Variants in FBXL14 observed in about 807,000 individuals in gnomAD.
The protein encoded by FBXL14 is F-box and leucine rich repeat protein 14.
Under a neutral mutation model 24.5 loss-of-function variants are expected in FBXL14, and 11 were observed. That is an observed-to-expected ratio of 0.45 (90% CI 0.28 to 0.74). The LOEUF (loss-of-function observed/expected upper bound fraction) is 0.74. FBXL14 is among the 30% of genes least tolerant of loss of function. The pLI is 0.12. For synonymous variants in FBXL14, 294 were observed against 240.4 expected (o/e 1.22, Z -2.06); for missense variants, 384 against 545.6 (o/e 0.70, Z 2.95).
chr12:1,586,528 G>C (rs981690952), intron 1 of FBXL14, among the ~76,000 whole-genome samples: 2 of 152,144 alleles, frequency 1.3e-5, no homozygotes, highest in African/African-American at 4.8e-5. Flanking sequence ...TCTGAAGAGA[G>C]ACAGGGTGGT....
At chr12:1,586,733 G>C (rs928909732) in intron 1 of FBXL14, among the ~76,000 whole-genome samples, 3 of 152,206 alleles carry the variant, frequency 2.0e-5, no homozygotes, top group Admixed American at 6.5e-5. Context: ...AAACAAAAAT[G>C]TTGAGACAGA....
chr12:1,586,810 A>C (rs900232076), intron 1 of FBXL14, among the ~76,000 whole-genome samples: 5 of 152,232 alleles, frequency 3.3e-5, no homozygotes, highest in African/African-American at 1.2e-4. Context: ...ACCTGGTCTC[A>C]CTTGGGTTTC....
chr12:1,592,464 G>T (rs1437102496), intron 1 of FBXL14, among the ~76,000 whole-genome samples: 1 of 152,190 alleles, frequency 6.6e-6, no homozygotes, highest in Non-Finnish European at 1.5e-5. Flanking sequence ...GTATTCAAAT[G>T]AAAGCTGAAG....
rs1303483127 is a variant in FBXL14, at chr12:1,594,290, G to C, written c.-224C>G. The C allele has an allele frequency of 6.2e-6, 1 of 161,658 alleles. No individual in the cohort carries two copies. The highest frequency in any genetic ancestry group is 1.3e-5 in the Non-Finnish European group (1 of 76,914). The allele number at this position is 161,658 out of a possible 1,614,324, so 10.0% of individuals were successfully genotyped here. On this transcript the variant is annotated 5_prime_UTR_variant, in exon 1 of 2. Transcript: ENST00000339235. Reference sequence around the variant, plus strand: ...TTCCTGCCGGCTGCGCCTCCGGCCCGGCCCTCCCCCGCCCCGGGCTCCGCA... The same window carrying C: ...TTCCTGCCGGCTGCGCCTCCGGCCCCGCCCTCCCCCGCCCCGGGCTCCGCA...
rs796849267 is a variant in FBXL14 at position 1,579,611 on chromosome 12, T to TA, written c.1195-12802dup. Among the ~76,000 whole-genome samples the TA allele has an allele frequency of 2.0e-3, 281 of 141,328 alleles. No homozygotes were observed. Among genetic ancestry groups the TA allele is most frequent in the Admixed American group, 3.1e-3 (44 of 14,208 alleles). The allele number at this position is 141,328 out of a possible 152,430, so 92.7% of individuals were successfully genotyped here. A position where few individuals can be genotyped will look rare whatever the true frequency, so the allele number is the denominator to read the frequency against. On this transcript the variant is annotated intron_variant, in intron 1 of 1. Coordinates refer to ENST00000339235, the MANE Select transcript of FBXL14 (RefSeq NM_152441.3). This position sits in a 1 kb window ranked among gnomAD's most constrained non-coding sequence, Gnocchi z 4.3. Reference sequence around the variant, plus strand: ...CTCGGTGATAGGGTGAGACTCCATTTAAAAAAAAAAAAAAATGTAGTTATC... The same window carrying TA: ...CTCGGTGATAGGGTGAGACTCCATTTAAAAAAAAAAAAAAAATGTAGTTATC...
intron 1 of FBXL14, among the ~76,000 whole-genome samples, chr12:1,576,638 C>G (rs78770445): frequency 6.6e-6 from 1 of 152,298 alleles, no homozygotes; most frequent in Non-Finnish European, 1.5e-5. Context: ...TGGGGCCTAT[C>G]TAGATTGCAG....
chr12:1,581,763 G>A (rs2094466761), intron 1 of FBXL14, among the ~76,000 whole-genome samples: 1 of 152,162 alleles, frequency 6.6e-6, no homozygotes, highest in African/African-American at 2.4e-5. Flanking sequence ...ACATTCGCAA[G>A]AGATTTGTCT....
intron 1 of FBXL14, chr12:1,574,519 T>C (rs1028318475): frequency 3.2e-5 from 2 of 62,318 alleles, no homozygotes; most frequent in South Asian, 1.7e-4. Context: ...GAGGCTGGGG[T>C]GGGGGAGGCT....
chr12:1,586,588 T>C (rs2094477128), intron 1 of FBXL14, among the ~76,000 whole-genome samples: 1 of 152,182 alleles, frequency 6.6e-6, no homozygotes, highest in Admixed American at 6.5e-5. Context: ...CCTTCTGCAT[T>C]GGTCATTAAG....
rs1286642620 is a variant in FBXL14 at position 1,579,157 on chromosome 12, C to T, written c.1195-12347G>A. The stretch of plus-strand genomic sequence containing the variant: ...AGCCGACATAAAATACGAATATGAT[C>T]TTTGCATTAAGTATTAAATATAATA... On this transcript the variant is annotated intron_variant, in intron 1 of 1. Transcript: ENST00000339235. The surrounding 1 kb of genome is among the most constrained non-coding windows in gnomAD (Gnocchi z 4.3). Among the ~76,000 whole-genome samples, 1 of 152,046 alleles carries T rather than the reference C, an allele frequency of 6.6e-6. No individual in the cohort carries two copies. The highest frequency in any genetic ancestry group is 1.5e-5 in the Non-Finnish European group (1 of 67,996).
intron 1 of FBXL14, among the ~76,000 whole-genome samples, chr12:1,585,139 C>T (rs908573620): frequency 2.8e-4 from 42 of 152,196 alleles, no homozygotes; most frequent in African/African-American, 9.7e-4. Flanking sequence ...TGGCTCACGC[C>T]TGTCATCCCA....
rs572750505 is a variant in FBXL14, at chr12:1,567,352, C to G, written c.1195-542G>C. 1.5e-3 allele frequency among the ~76,000 whole-genome samples: 222 copies of G among 152,018 alleles called. 4 individuals are homozygous for G. Among genetic ancestry groups the G allele is most frequent in the Middle Eastern group, 3.4e-3 (1 of 294 alleles). ...AGAAAGAAAAGAAAAATTAGCTGGG[C>G]GTGGTGGCAAGCACCTGTAATCCCA... On this transcript the variant is annotated intron_variant, in intron 1 of 1. Transcript: ENST00000339235. The surrounding 1 kb of genome is among the most constrained non-coding windows in gnomAD (Gnocchi z 4.8).
In FBXL14 at chr12:1,594,154, C is replaced by A; in HGVS notation, c.-88G>T. 1.3e-6 allele frequency: 1 copy of A among 791,570 alleles called. No homozygotes were observed. The highest frequency in any genetic ancestry group is 1.6e-6 in the Non-Finnish European group (1 of 626,370). The allele number at this position is 791,570 out of a possible 1,614,324, so 49.0% of individuals were successfully genotyped here. ...GGGCAGGCGACGAGAGCGCTTCTCC[C>A]CAGCCGCCGCCGCCGCCGCCGCCGC... On this transcript the variant is annotated 5_prime_UTR_variant, in exon 1 of 2. Coordinates refer to ENST00000339235, the MANE Select transcript of FBXL14 (RefSeq NM_152441.3).
rs1210245812 is a variant in FBXL14 at position 1,569,680 on chromosome 12, G to A, written c.1195-2870C>T. Among the ~76,000 whole-genome samples, 1 of 152,248 alleles carries A rather than the reference G, an allele frequency of 6.6e-6. No individual in the cohort carries two copies. The highest frequency in any genetic ancestry group is 1.5e-5 in the Non-Finnish European group (1 of 68,048). The stretch of plus-strand genomic sequence containing the variant: ...CTCCCAGAGTGCTGGGATTACAGGC[G>A]TGAGCCACCGCTCCCGGCACCACTT... On this transcript the variant is annotated intron_variant, in intron 1 of 1. Transcript: ENST00000339235. This position sits in a 1 kb window ranked among gnomAD's most constrained non-coding sequence, Gnocchi z 4.2.
intron 1 of FBXL14, chr12:1,587,635 TC>T (rs1178666424): frequency 1.3e-5 from 2 of 152,364 alleles, no homozygotes; most frequent in Non-Finnish European, 2.9e-5. Flanking sequence ...ATGCTCTTGT[TC>T]CAACTGTGCA....
chr12:1,587,884 C>T (rs371654220), intron 1 of FBXL14, among the ~76,000 whole-genome samples: 11 of 152,304 alleles, frequency 7.2e-5, no homozygotes, highest in African/African-American at 2.6e-4. Flanking sequence ...CAAAAAGCCT[C>T]ACCCCTCTGA....
At chr12:1,582,600 A>ATGGTG (rs2094468883) in intron 1 of FBXL14, among the ~76,000 whole-genome samples, 4 of 152,060 alleles carry the variant, frequency 2.6e-5, no homozygotes, top group Non-Finnish European at 5.9e-5. Flanking sequence ...CTTTCATAAG[A>ATGGTG]CCTTCACGGA....
In FBXL14 at chr12:1,594,236, G is replaced by T; in HGVS notation, c.-170C>A. 2 of 243,328 alleles carry T rather than the reference G, an allele frequency of 8.2e-6. No individual in the cohort carries two copies. Among genetic ancestry groups the T allele is most frequent in the Non-Finnish European group, 1.4e-5 (2 of 145,656 alleles). 15.1% of individuals were successfully genotyped at this position (243,328 alleles called of 1,614,324 possible). The stretch of plus-strand genomic sequence containing the variant: ...CCTTCCGGCTCCGGCCGCCGCCGCC[G>T]CTCCTCCTCCTGGTCCGTCCGTCCT... On this transcript the variant is annotated 5_prime_UTR_variant, in exon 1 of 2. Coordinates refer to ENST00000339235, the MANE Select transcript of FBXL14 (RefSeq NM_152441.3).
intron 1 of FBXL14, among the ~76,000 whole-genome samples, chr12:1,589,235 CAAAAA>C (rs34818174): frequency 7.9e-5 from 10 of 126,128 alleles, no homozygotes; most frequent in African/African-American, 2.8e-4. Flanking sequence ...AAAAAAAATA[CAAAAA>C]AAAAAAAAAA....
Sources: allele counts gnomAD v4.1 joint callset (sites outside exome capture counted in the v4.1 genomes callset), GRCh38; gene constraint gnomAD v4.1.1; non-coding constraint Gnocchi (gnomAD v3.1); transcripts MANE v1.5; gene names NCBI Gene and HGNC (gene_info 2026-07-23, HGNC 2026-07-21).